Variants in SUCLG2 observed in about 807,000 individuals in gnomAD.
SUCLG2 encodes the protein succinate-CoA ligase GDP-forming subunit beta, also known as succinate--CoA ligase [GDP-forming] subunit beta, mitochondrial.
In SUCLG2, 42 loss-of-function variants were observed where a neutral mutation model predicts 47.9. The observed-to-expected ratio is 0.88, with a 90% CI of 0.69 to 1.14. The LOEUF (loss-of-function observed/expected upper bound fraction) is 1.14. SUCLG2 is among the 50% of genes most tolerant of loss of function. The pLI is 0.00. For synonymous variants in SUCLG2, 195 were observed against 197.3 expected (o/e 0.99, Z 0.10); for missense variants, 571 against 525.9 (o/e 1.09, Z -0.84).
intron 9 of SUCLG2, among the ~76,000 whole-genome samples, chr3:67,479,725 T>C (rs775632321): frequency 1.2e-4 from 18 of 152,194 alleles, no homozygotes; most frequent in Non-Finnish European, 2.2e-4. Context: ...GGGACAAAAA[T>C]GAATTAGATC....
intron 9 of SUCLG2, among the ~76,000 whole-genome samples, chr3:67,489,947 T>A (rs960580792): frequency 1.3e-5 from 2 of 152,202 alleles, no homozygotes; most frequent in Non-Finnish European, 2.9e-5. Context: ...TAACTTATGG[T>A]TACATAACTA....
intron 9 of SUCLG2, among the ~76,000 whole-genome samples, chr3:67,429,631 TCC>T (rs1470123228): frequency 6.6e-6 from 1 of 152,034 alleles, no homozygotes; most frequent in Non-Finnish European, 1.5e-5. Flanking sequence ...AGCTAAATGC[TCC>T]AAATAAAAGA....
chr3:67,589,077 G>A (rs184888459), intron 2 of SUCLG2, among the ~76,000 whole-genome samples: 1 of 152,066 alleles, frequency 6.6e-6, no homozygotes, highest in Non-Finnish European at 1.5e-5. Flanking sequence ...TCTGTCCCTT[G>A]AAGTCACCAA....
rs116814895 is a variant in SUCLG2 at position 67,415,565 on chromosome 3, C to G, written c.1063-14714G>C. Among the ~76,000 whole-genome samples, 818 of 152,328 alleles carry G rather than the reference C, an allele frequency of 5.4e-3. 17 individuals are homozygous for G. The highest frequency in any genetic ancestry group is 0.018 in the African/African-American group (732 of 41,576). ...GATAATCCTAAACCCTCATGTGACTCCAGATCTACTGTGTCATATGGTTTG... is the reference window on the plus strand; with the variant it reads ...GATAATCCTAAACCCTCATGTGACTGCAGATCTACTGTGTCATATGGTTTG... On this transcript the variant is annotated intron_variant, in intron 9 of 10. Transcript: ENST00000307227.
At chr3:67,366,367 A>C (rs1011221440) in intron 10 of SUCLG2, among the ~76,000 whole-genome samples, 13 of 151,970 alleles carry the variant, frequency 8.6e-5, no homozygotes. Flanking sequence ...AAACAAAAAA[A>C]CCCCAGAAAA....
Position 67,529,077 on chromosome 3 carries a change from C to G in SUCLG2, c.326+10G>C, listed in dbSNP as rs75375870. On this transcript the variant is annotated intron_variant, in intron 3 of 10. Transcript: ENST00000307227. ...GCCAAAAGACAAGGAATAACAACCT[C>G]CAGACTTACTCTTTTGTTAAATGAA... The G allele has an allele frequency of 3.8e-3, 6,016 of 1,601,306 alleles. 182 individuals are homozygous for G. In the African/African-American group the frequency reaches 0.071, roughly 19 times the overall value.
chr3:67,549,765 T>A (rs960159573), intron 2 of SUCLG2, among the ~76,000 whole-genome samples: 1 of 152,152 alleles, frequency 6.6e-6, no homozygotes, highest in African/African-American at 2.4e-5. Context: ...CATATACAAA[T>A]CTATAACTGA....
chr3:67,521,240 C>G (rs564330298), intron 4 of SUCLG2, among the ~76,000 whole-genome samples: 1 of 152,294 alleles, frequency 6.6e-6, no homozygotes, highest in East Asian at 1.9e-4. Context: ...ACAGCTCTAC[C>G]TCAAATAAAC....
chr3:67,493,938 T>C (rs1559546545), intron 9 of SUCLG2, among the ~76,000 whole-genome samples: 3 of 152,260 alleles, frequency 2.0e-5, no homozygotes, highest in Non-Finnish European at 4.4e-5. Context: ...ACCTTCCTTA[T>C]GGCTGGCTGC....
chr3:67,420,112 A>G (rs1329377363), intron 9 of SUCLG2, among the ~76,000 whole-genome samples: 1 of 152,224 alleles, frequency 6.6e-6, no homozygotes, highest in Non-Finnish European at 1.5e-5. Flanking sequence ...CATAAAGTAC[A>G]TACTTGCCAT....
Position 67,540,949 on chromosome 3 carries a change from CTG to C in SUCLG2, c.227-11765_227-11764del, listed in dbSNP as rs1290382600. Among the ~76,000 whole-genome samples the C allele has an allele frequency of 2.6e-5, 4 of 152,318 alleles. No homozygotes were observed. The East Asian group carries it at 7.7e-4, about 29-fold the overall frequency. ...CAGCAAATTCCAGCAGAAATGTAGA[CTG>C]TAGCAGAGGGGACTGACTGTTAGAA... is the stretch of plus-strand genomic sequence containing the variant. On this transcript the variant is annotated intron_variant, in intron 2 of 10. Coordinates refer to ENST00000307227, the MANE Select transcript of SUCLG2 (RefSeq NM_003848.4).
At chr3:67,528,790 A>G (rs539227747) in intron 3 of SUCLG2, among the ~76,000 whole-genome samples, 1 of 152,336 alleles carries the variant, frequency 6.6e-6, no homozygotes, top group Admixed American at 6.5e-5. Flanking sequence ...GAGTGACATT[A>G]TGGAAGTAGC....
At chr3:67,454,093 G>A (rs1183862103) in intron 9 of SUCLG2, among the ~76,000 whole-genome samples, 5 of 152,164 alleles carry the variant, frequency 3.3e-5, no homozygotes. Context: ...AATATTCTTA[G>A]GCCTAAGTGG....
intron 2 of SUCLG2, among the ~76,000 whole-genome samples, chr3:67,562,977 CATTTT>C (rs1292016535): frequency 6.6e-6 from 1 of 151,534 alleles, no homozygotes; most frequent in Non-Finnish European, 1.5e-5. Flanking sequence ...ACACATTTTT[CATTTT>C]AATGATTAAA....
intron 10 of SUCLG2, among the ~76,000 whole-genome samples, chr3:67,394,447 T>G (rs1454337232): frequency 2.8e-5 from 4 of 145,350 alleles, no homozygotes; most frequent in African/African-American, 1.0e-4. Context: ...ATGAATGAAA[T>G]GAAGCGAGAA....
chr3:67,379,274 C>A (rs771717616), intron 10 of SUCLG2, among the ~76,000 whole-genome samples: 1 of 152,136 alleles, frequency 6.6e-6, no homozygotes, highest in Non-Finnish European at 1.5e-5. Flanking sequence ...CCTGCAGAGA[C>A]GTAGACTAGG....
chr3:67,495,966 A>G, intron 8 of SUCLG2, 26 bp from the exon 9 acceptor site: 2 of 1,613,434 alleles, frequency 1.2e-6, no homozygotes, highest in Non-Finnish European at 1.7e-6. Flanking sequence ...GGGACACAAG[A>G]CAGGCTACAT....
chr3:67,372,489 G>A (rs1283086987), downstream of SUCLG2, among the ~76,000 whole-genome samples: 1 of 152,098 alleles, frequency 6.6e-6, no homozygotes, highest in African/African-American at 2.4e-5. Flanking sequence ...TAGTTGATAG[G>A]TGCAGCCCTT....
intron 9 of SUCLG2, among the ~76,000 whole-genome samples, chr3:67,492,876 C>G (rs775312243): frequency 1.3e-5 from 2 of 152,176 alleles, no homozygotes; most frequent in African/African-American, 4.8e-5. Flanking sequence ...AGCTCTATGA[C>G]TGACATCATG....
Sources: gnomAD v4.1 joint callset for allele counts (sites outside exome capture counted in the v4.1 genomes callset) on GRCh38, gnomAD v4.1.1 for gene constraint, MANE v1.5 for transcripts, NCBI Gene and HGNC (gene_info 2026-07-23, HGNC 2026-07-21) for gene names.